Variants in TRIM5 observed in about 807,000 individuals in gnomAD.
TRIM5 encodes tripartite motif-containing protein 5.
A neutral mutation model predicts 35.6 loss-of-function variants in TRIM5; 31 were observed. That is an observed-to-expected ratio of 0.87 (90% CI 0.65 to 1.18). TRIM5 has a LOEUF of 1.18. Ranked by LOEUF, TRIM5 falls within the 50% of genes most tolerant of loss-of-function variation. The pLI, the probability that TRIM5 is intolerant of heterozygous loss-of-function variation, is 0.00. For synonymous variants in TRIM5, 243 were observed against 215.6 expected, an observed-to-expected ratio of 1.13 and a Z score of -1.11; for missense variants, 609 against 591.6, an observed-to-expected ratio of 1.03 and a Z score of -0.31.
intron 1 of TRIM5, among the ~76,000 whole-genome samples, chr11:5,681,104 GTGA>G (rs1852406397): frequency 6.6e-6 from 1 of 152,026 alleles, no homozygotes; most frequent in African/African-American, 2.4e-5. Flanking sequence ...GGTGTAGAGG[GTGA>G]TGATAGAGAA....
the TRIM5 span, chr11:5,633,926 G>A: frequency 1.2e-6 from 2 of 1,611,282 alleles, no homozygotes; most frequent in Non-Finnish European, 1.7e-6. Flanking sequence ...AAGGTTTTCT[G>A]AGACAGGAAT....
At chr11:5,592,914 C>CAAAA in the TRIM5 span, among the ~76,000 whole-genome samples, 2 of 67,208 alleles carry the variant, frequency 3.0e-5, no homozygotes, top group Non-Finnish European at 5.7e-5. Context: ...GAGATTGTCT[C>CAAAA]AAAAAAAAAA....
chr11:5,683,334 G>A (rs923443606), intron 1 of TRIM5, among the ~76,000 whole-genome samples: 13 of 152,204 alleles, frequency 8.5e-5, no homozygotes, highest in Admixed American at 2.6e-4. Context: ...CCTGCGGCCC[G>A]GTGCAGGATC....
At chr11:5,683,047 G>C (rs927405850) in intron 1 of TRIM5, among the ~76,000 whole-genome samples, 2 of 152,206 alleles carry the variant, frequency 1.3e-5, no homozygotes, top group Non-Finnish European at 2.9e-5. Context: ...CGGAGTGGCC[G>C]GCCGGCCCCG....
At chr11:5,611,488 C>G in the TRIM5 span, 1 of 753,112 alleles carries the variant, frequency 1.3e-6, no homozygotes, top group East Asian at 2.6e-5. Context: ...GAATCTCGCT[C>G]TGTCGCCCAG....
chr11:5,612,573 C>T, the TRIM5 span: 3 of 152,106 alleles, frequency 2.0e-5, no homozygotes, highest in African/African-American at 7.2e-5. Flanking sequence ...TGATTTCTTC[C>T]AGCTTTTCCA....
chr11:5,611,040 C>T, the TRIM5 span: 1 of 1,614,164 alleles, frequency 6.2e-7, no homozygotes, highest in Non-Finnish European at 8.5e-7. Flanking sequence ...TGCTCAAAAT[C>T]ACAGTGCTTA....
the TRIM5 span, among the ~76,000 whole-genome samples, chr11:5,633,131 C>T: frequency 7.0e-6 from 1 of 142,482 alleles, no homozygotes; most frequent in Non-Finnish European, 1.5e-5. Context: ...AGCCACCATG[C>T]CCGGCCTTTT....
the TRIM5 span, among the ~76,000 whole-genome samples, chr11:5,624,568 T>C: frequency 6.6e-6 from 1 of 152,224 alleles, no homozygotes; most frequent in African/African-American, 2.4e-5. Context: ...GGTGTTTAGC[T>C]GGCCTGGGAG....
the TRIM5 span, among the ~76,000 whole-genome samples, chr11:5,602,956 A>C: frequency 6.6e-6 from 1 of 152,164 alleles, no homozygotes; most frequent in African/African-American, 2.4e-5. Context: ...TCCATCTCAA[A>C]AAAGAAAAAA....
At chr11:5,620,770 T>C in the TRIM5 span, among the ~76,000 whole-genome samples, 2 of 152,140 alleles carry the variant, frequency 1.3e-5, no homozygotes, top group Non-Finnish European at 2.9e-5. Flanking sequence ...AGCTTCTTCT[T>C]TCCATTAAGT....
the TRIM5 span, chr11:5,596,939 G>A: frequency 6.2e-7 from 1 of 1,613,994 alleles, no homozygotes; most frequent in Non-Finnish European, 8.5e-7. Context: ...CTGTTGACTG[G>A]CTCTTATTGT....
At chr11:5,682,076 C>T (rs570941725) in intron 1 of TRIM5, among the ~76,000 whole-genome samples, 3 of 152,094 alleles carry the variant, frequency 2.0e-5, no homozygotes, top group African/African-American at 7.2e-5. Flanking sequence ...GGATTACAGG[C>T]GTGAGCCACC....
chr11:5,660,560 T>C (rs114490314), downstream of TRIM5, among the ~76,000 whole-genome samples: 3,337 of 152,264 alleles, frequency 0.022, 120 homozygotes, highest in African/African-American at 0.076. Flanking sequence ...TTAATGGAAA[T>C]AGAACCTCAG....
At chr11:5,615,833 T>G in the TRIM5 span, among the ~76,000 whole-genome samples, 1 of 152,030 alleles carries the variant, frequency 6.6e-6, no homozygotes, top group Admixed American at 6.5e-5. Flanking sequence ...CCTCAGGTGA[T>G]CCACCCGCCT....
At chr11:5,671,344 G>C (rs958079400) in intron 4 of TRIM5, among the ~76,000 whole-genome samples, 9 of 147,734 alleles carry the variant, frequency 6.1e-5, no homozygotes, top group African/African-American at 2.2e-4. Context: ...ACAATAAATA[G>C]AAAATATCCC....
At chr11:5,668,831 C>T (rs967503557) in intron 4 of TRIM5, among the ~76,000 whole-genome samples, 1 of 152,176 alleles carries the variant, frequency 6.6e-6, no homozygotes, top group African/African-American at 2.4e-5. Context: ...GTTTGACACA[C>T]ATATGTGCAA....
At chr11:5,589,493 T>C in the TRIM5 span, 1 of 152,176 alleles carries the variant, frequency 6.6e-6, no homozygotes, top group Non-Finnish European at 1.5e-5. Context: ...ATCACTTGTA[T>C]TTATGTGTGT....
the TRIM5 span, chr11:5,632,378 C>A: frequency 1.2e-6 from 2 of 1,613,962 alleles, no homozygotes; most frequent in African/African-American, 1.3e-5. Context: ...GTGACCTGTC[C>A]CATCTGCCTG....
Sources: gnomAD v4.1 joint callset for allele counts (sites outside exome capture counted in the v4.1 genomes callset) on GRCh38, gnomAD v4.1.1 for gene constraint, MANE v1.5 for transcripts, NCBI Gene and HGNC (gene_info 2026-07-23, HGNC 2026-07-21) for gene names.